The following NLRP13 variants were observed in gnomAD, a reference collection of about 807,000 sequenced individuals.
NLRP13 encodes NACHT, LRR and PYD domains-containing protein 13.
A neutral mutation model predicts 94.4 loss-of-function variants in NLRP13; 82 were observed. The observed-to-expected ratio is 0.87, with a 90% CI of 0.73 to 1.04. The LOEUF is 1.04. Ranked by LOEUF, NLRP13 falls within the 50% of genes least tolerant of loss-of-function variation. The pLI, the probability that NLRP13 is intolerant of heterozygous loss-of-function variation, is 0.00. For synonymous variants in NLRP13, 553 were observed against 464.7 expected (o/e 1.19, Z -2.45); for missense variants, 1,426 against 1,230.8 (o/e 1.16, Z -2.37).
chr19:55,899,060 G>C (rs1464204093), intron 9 of NLRP13, 123 bp from the exon 10 acceptor site: 2 of 1,049,780 alleles, frequency 1.9e-6, no homozygotes, highest in Non-Finnish European at 2.7e-6. Flanking sequence ...TTTGTCCCAA[G>C]CCTCGAAGGA....
At chr19:55,922,534 G>A (rs1986857120) in intron 4 of NLRP13, among the ~76,000 whole-genome samples, 1 of 152,118 alleles carries the variant, frequency 6.6e-6, no homozygotes, top group African/African-American at 2.4e-5. Context: ...CACCATGTTG[G>A]CCAGGATGGT....
At chr19:55,931,400 C>A (rs1987129455) in intron 1 of NLRP13, among the ~76,000 whole-genome samples, 1 of 151,952 alleles carries the variant, frequency 6.6e-6, no homozygotes, top group Non-Finnish European at 1.5e-5. Flanking sequence ...CACACTGGGA[C>A]AAATTTGCAT....
chr19:55,912,911 T>C lies in NLRP13; in HGVS notation c.906A>G (p.Gln302=). 1 of 1,614,188 alleles carries C rather than the reference T, an allele frequency of 6.2e-7. No homozygotes were observed. ...CAATAATAAACAGGAGCTTCTCTGG[T>C]TGAGACATGAACTCTTCAATGGGGG... ...FDAPIEEFMS[Q]PEKLLFIIDG... is the part of the protein sequence containing the mutation. Residue 302 remains glutamine (Q), a synonymous_variant, in exon 5 of 11, where the codon CAA becomes CAG. Transcript: ENST00000342929.
chr19:55,910,849 T>C (rs549903411), intron 5 of NLRP13, 116 bp from the exon 6 acceptor site: 32 of 946,300 alleles, frequency 3.4e-5, no homozygotes, highest in Non-Finnish European at 4.5e-5. Context: ...ATTTTCCTAA[T>C]GTGGCTGGGT....
At chr19:55,917,369 CA>C (rs1304059365) in intron 4 of NLRP13, among the ~76,000 whole-genome samples, 2 of 151,252 alleles carry the variant, frequency 1.3e-5, no homozygotes, top group Non-Finnish European at 1.5e-5. Context: ...AGAAAAAGAA[CA>C]AAAAAATCTG....
chr19:55,925,227 G>A (rs565857048), intron 1 of NLRP13, among the ~76,000 whole-genome samples, 192 bp from the exon 2 acceptor site: 29 of 152,320 alleles, frequency 1.9e-4, no homozygotes, highest in African/African-American at 5.5e-4. Context: ...CACAGCACAC[G>A]CTAAGCACAT....
At chr19:55,917,203 G>C (rs965706345) in intron 4 of NLRP13, among the ~76,000 whole-genome samples, 8 of 152,024 alleles carry the variant, frequency 5.3e-5, no homozygotes, top group Non-Finnish European at 1.0e-4. Flanking sequence ...TGTACTACAG[G>C]AAATACTTGA....
intron 8 of NLRP13, among the ~76,000 whole-genome samples, chr19:55,904,300 G>T (rs1390490833): frequency 6.6e-6 from 1 of 152,078 alleles, no homozygotes; most frequent in East Asian, 1.9e-4. Flanking sequence ...TGTTGGTCAG[G>T]CTGGTCTCAA....
chr19:55,930,983 C>G (rs551194398), intron 1 of NLRP13, among the ~76,000 whole-genome samples: 1 of 150,858 alleles, frequency 6.6e-6, no homozygotes, highest in Non-Finnish European at 1.5e-5. Context: ...AAACACTGCA[C>G]GATCCTACAA....
chr19:55,930,874 T>TTTTTTATATATATATATATATA (rs55900335), intron 1 of NLRP13, among the ~76,000 whole-genome samples: 9 of 70,190 alleles, frequency 1.3e-4, no homozygotes, highest in Non-Finnish European at 1.8e-4. Context: ...GAATCAGTGA[T>TTTTTTATATATATATATATATA]TATATATATA....
At chr19:55,915,870 A>G (rs1173760334) in intron 4 of NLRP13, among the ~76,000 whole-genome samples, 1 of 152,176 alleles carries the variant, frequency 6.6e-6, no homozygotes. Flanking sequence ...CTCCTGGTAA[A>G]CAACAATCAA....
intron 8 of NLRP13, 110 bp from the exon 9 acceptor site, chr19:55,902,315 G>A (rs913400814): frequency 1.4e-5 from 12 of 850,636 alleles, no homozygotes; most frequent in Admixed American, 5.4e-5. Context: ...GCAGCTCCCT[G>A]GACGACAAGG....
In NLRP13 at chr19:55,912,828, G is replaced by T. The variant is rs1986563535; in HGVS notation, c.989C>A (p.Ser330Ter). The T allele has an allele frequency of 6.2e-7, 1 of 1,613,968 alleles. No individual in the cohort carries two copies. Among genetic ancestry groups the T allele is most frequent in the African/African-American group, 1.3e-5 (1 of 74,886 alleles). The change falls in exon 5 of 11, where the codon TCG (serine) becomes TAG (stop). Residue 330 changes from serine (S) to a stop codon, truncating the protein, a stop_gained. Coordinates refer to ENST00000342929, the MANE Select transcript of NLRP13 (RefSeq NM_176810.2). LOFTEE classifies it high-confidence loss of function. ...ESRSESLDDG[S>*]PCTDWYQELP... ...CTCCTGGTACCAGTCTGTACATGGCGAGCCATCATCCAAGCTCTCAGAGCG... is the reference window on the plus strand; with the variant it reads ...CTCCTGGTACCAGTCTGTACATGGCTAGCCATCATCCAAGCTCTCAGAGCG...
chr19:55,912,655 C>T lies in NLRP13; in HGVS notation c.1162G>A (p.Gly388Arg), dbSNP rs757810047. ...PCFVQITGFT[G>R]DDLRVYFMRH... is the part of the protein sequence containing the mutation. ...ATGAAATATACCCGTAGGTCGTCCC[C>T]TGTGAACCCTGTAATTTGTACAAAG... The change falls in exon 5 of 11, where the codon GGG becomes AGG. Residue 388 changes from glycine to arginine, a missense_variant. Transcript: ENST00000342929. 6.2e-7 allele frequency: 1 copy of T among 1,614,192 alleles called. No homozygotes were observed. The highest frequency in any genetic ancestry group is 1.7e-5 in the Admixed American group (1 of 60,018).
intron 7 of NLRP13, 108 bp from the exon 8 acceptor site, chr19:55,905,220 A>G: frequency 8.5e-7 from 1 of 1,176,786 alleles, no homozygotes; most frequent in Admixed American, 2.5e-5. Context: ...TGGGAAGATT[A>G]AATTGGAGAA....
At chr19:55,925,112 G>T in intron 1 of NLRP13, 77 bp from the exon 2 acceptor site, 1 of 1,274,810 alleles carries the variant, frequency 7.8e-7, no homozygotes, top group Non-Finnish European at 1.1e-6. Flanking sequence ...TCTCTCAGTA[G>T]AACCAACTCC....
intron 5 of NLRP13, 30 bp from the exon 6 acceptor site, chr19:55,910,763 A>C: frequency 1.9e-6 from 3 of 1,557,746 alleles, no homozygotes; most frequent in Non-Finnish European, 2.6e-6. Context: ...AACACGGATA[A>C]GAGCAAATTA....
At chr19:55,904,142 G>C (rs1202618440) in intron 8 of NLRP13, among the ~76,000 whole-genome samples, 2 of 152,280 alleles carry the variant, frequency 1.3e-5, no homozygotes, top group Admixed American at 1.3e-4. Context: ...ATCCGGGCTG[G>C]AGTGTAGTGG....
chr19:55,908,534 A>G (rs888843096), intron 6 of NLRP13, among the ~76,000 whole-genome samples: 1 of 152,220 alleles, frequency 6.6e-6, no homozygotes, highest in African/African-American at 2.4e-5. Flanking sequence ...ATTCTCATCA[A>G]TGATGGACCA....
Sources: gnomAD v4.1 joint callset for allele counts (sites outside exome capture counted in the v4.1 genomes callset) on GRCh38, gnomAD v4.1.1 for gene constraint, MANE v1.5 for transcripts, NCBI Gene and HGNC (gene_info 2026-07-23, HGNC 2026-07-21) for gene names.